WARS1: variants seen among roughly 807,000 people sequenced by gnomAD.
The protein encoded by WARS1 is tryptophan--tRNA ligase, cytoplasmic.
A neutral mutation model predicts 47.8 loss-of-function variants in WARS1; 17 were observed. The ratio of observed to expected loss-of-function variants is 0.36; its 90% CI spans 0.24 to 0.53. The LOEUF (loss-of-function observed/expected upper bound fraction) is 0.53. WARS1 is among the 20% of genes least tolerant of loss of function. The probability of loss-of-function intolerance (pLI) is 0.91; values close to 1 mark genes in which losing one functional copy is unlikely to be tolerated. For synonymous variants in WARS1, 208 were observed against 228.1 expected, an observed-to-expected ratio of 0.91 and a Z score of 0.79; for missense variants, 434 against 608.0, an observed-to-expected ratio of 0.71 and a Z score of 3.01.
chr14:100,342,326 G>A (rs1390867397), intron 9 of WARS1, 72 bp downstream of exon 9: 6 of 1,589,976 alleles, frequency 3.8e-6, no homozygotes, highest in East Asian at 2.2e-5. Context: ...GCGCAGTGGT[G>A]TGTGTGTGCG....
intron 4 of WARS1, among the ~76,000 whole-genome samples, chr14:100,359,491 T>C (rs946681008): frequency 6.6e-6 from 1 of 152,324 alleles, no homozygotes; most frequent in Admixed American, 6.5e-5. Context: ...GACTAATGGT[T>C]GCCAGTGGGG....
rs1341413864 is a variant in WARS1, at chr14:100,334,596, C to T, written c.*279G>A. On this transcript the variant is annotated 3_prime_UTR_variant, in exon 11 of 11. Coordinates refer to ENST00000392882, the MANE Select transcript of WARS1 (RefSeq NM_004184.4). The stretch of plus-strand genomic sequence containing the variant: ...CATGGACTTCCAGCCAAAGGCTCCA[C>T]TGTGGGGCTGCTTTGGGGAGAGACT... 1.3e-5 allele frequency: 4 copies of T among 311,808 alleles called. No homozygotes were observed. The highest frequency in any genetic ancestry group is 1.8e-5 in the Non-Finnish European group (3 of 166,900). The allele number at this position is 311,808 out of a possible 1,614,324, so 19.3% of individuals were successfully genotyped here. A position where few individuals can be genotyped will look rare whatever the true frequency, so the allele number is the denominator to read the frequency against.
chr14:100,374,420 C>T (rs1566873338), intron 1 of WARS1, among the ~76,000 whole-genome samples: 1 of 152,212 alleles, frequency 6.6e-6, no homozygotes, highest in African/African-American at 2.4e-5. Context: ...AAATTAACCC[C>T]CAGTTCCCCC....
chr14:100,353,919 G>T, intron 5 of WARS1, 50 bp from the exon 6 acceptor site: 2 of 1,540,812 alleles, frequency 1.3e-6, no homozygotes, highest in Non-Finnish European at 1.8e-6. Flanking sequence ...CCCTGTGGAG[G>T]AACGCCATCG....
Position 100,350,399 on chromosome 14 carries a change from GAAAA to G in WARS1, c.725+3284_725+3287del, listed in dbSNP as rs56393656. ...AGAGCAAGACTCCATCTCAAAAAAA[GAAAA>G]AAAAAAAAAAAAAGGAAGTTCTTAT... On this transcript the variant is annotated intron_variant, in intron 6 of 10. Coordinates refer to ENST00000392882, the MANE Select transcript of WARS1 (RefSeq NM_004184.4). Among the ~76,000 whole-genome samples, 34 of 112,154 alleles carry G rather than the reference GAAAA, an allele frequency of 3.0e-4. 1 individual carries two copies. The South Asian group carries it at 9.4e-3, about 31-fold the overall frequency. 73.6% of individuals were successfully genotyped at this position (112,154 alleles called of 152,430 possible). A position where few individuals can be genotyped will look rare whatever the true frequency, so the allele number is the denominator to read the frequency against.
chr14:100,376,192 G>A (rs561530686), upstream of WARS1: 43 of 263,056 alleles, frequency 1.6e-4, no homozygotes, highest in Admixed American at 3.4e-4. Flanking sequence ...TGGGCGCCGC[G>A]CCAGCGTCCC....
intron 4 of WARS1, among the ~76,000 whole-genome samples, chr14:100,356,912 T>A (rs773909503): frequency 6.6e-6 from 1 of 151,950 alleles, no homozygotes; most frequent in Non-Finnish European, 1.5e-5. Context: ...CAGCAACATA[T>A]AAAAAAGATT....
intron 9 of WARS1, among the ~76,000 whole-genome samples, chr14:100,337,655 A>G (rs1595401018): frequency 1.4e-5 from 2 of 146,360 alleles, no homozygotes; most frequent in East Asian, 4.1e-4. Flanking sequence ...GGTCAAGACC[A>G]GTCTGGGTAA....
chr14:100,346,697 C>G (rs1894641728), intron 7 of WARS1, 49 bp downstream of exon 7: 1 of 1,462,170 alleles, frequency 6.8e-7, no homozygotes, highest in Non-Finnish European at 9.6e-7. Flanking sequence ...AACTCTGCTC[C>G]TTTTTGAAGG....
At chr14:100,376,275 C>A, upstream of WARS1, 1 of 765,794 alleles carries the variant, frequency 1.3e-6, no homozygotes, top group Non-Finnish European at 1.8e-6. Flanking sequence ...CCAGCCGGGC[C>A]AGTCAGCGCT....
At chr14:100,343,434 C>G (rs1300259155) in intron 7 of WARS1, 47 bp from the exon 8 acceptor site, 1 of 1,410,518 alleles carries the variant, frequency 7.1e-7, no homozygotes, top group Admixed American at 2.0e-5. Context: ...AGTTCCTGTT[C>G]TGCTTAGTTA....
chr14:100,364,933 C>CT (rs1258614689), intron 2 of WARS1, among the ~76,000 whole-genome samples: 1 of 151,798 alleles, frequency 6.6e-6, no homozygotes, highest in African/African-American at 2.4e-5. Flanking sequence ...AAAAAAGTAA[C>CT]TTTTTTTTGA....
At chr14:100,367,552 C>T (rs1397819669) in intron 2 of WARS1, among the ~76,000 whole-genome samples, 2 of 132,342 alleles carry the variant, frequency 1.5e-5, no homozygotes, top group African/African-American at 5.8e-5. Flanking sequence ...TGTGCCACCA[C>T]ACTCCAGCCT....
chr14:100,366,164 T>G (rs1895979025), intron 2 of WARS1: 2 of 452,804 alleles, frequency 4.4e-6, no homozygotes, highest in South Asian at 3.1e-5. Flanking sequence ...ACACAGAGAA[T>G]AGGGAGCTTC....
In WARS1 at chr14:100,339,495, G is replaced by C. The variant is rs567412002; in HGVS notation, c.1114-2293C>G. 6.1e-5 allele frequency among the ~76,000 whole-genome samples: 9 copies of C among 148,202 alleles called. No individual in the cohort carries two copies. In the South Asian group the frequency reaches 1.9e-3, roughly 32 times the overall value. ...GGCCCAGCTACTCGGGAGCCTTGAG[G>C]CAGGAGAATGGCGTGAACCTGGGAG... is the stretch of plus-strand genomic sequence containing the variant. On this transcript the variant is annotated intron_variant, in intron 9 of 10. Transcript: ENST00000392882.
In WARS1 at chr14:100,336,962, C is replaced by T. The variant is rs918711149; in HGVS notation, c.1254+100G>A. ...TTCACCTTGTTTCAGTTGAGCACCT[C>T]CGACCAAGCCTTCATGCCTGGCTGT... On this transcript the variant is annotated intron_variant, in intron 10 of 10. Coordinates refer to ENST00000392882, the MANE Select transcript of WARS1 (RefSeq NM_004184.4). The T allele has an allele frequency of 7.3e-6, 11 of 1,509,394 alleles. No individual in the cohort carries two copies. The African/African-American group carries it at 1.2e-4, about 17-fold the overall frequency. 93.5% of individuals were successfully genotyped at this position (1,509,394 alleles called of 1,614,324 possible).
chr14:100,374,020 T>C (rs1896493916), intron 1 of WARS1: 1 of 152,242 alleles, frequency 6.6e-6, no homozygotes, highest in Non-Finnish European at 1.5e-5. Context: ...ACTTTCAGAA[T>C]TGAGTTGAAC....
rs970420759 is a variant in WARS1, at chr14:100,373,288, T to C, written c.-74+1995A>G. Reference sequence around the variant, plus strand: ...CCCCAGCTGGACTTTAGATGGCCTCTTGTTTAACGTCCTGGTACTGAGTTG... The same window carrying C: ...CCCCAGCTGGACTTTAGATGGCCTCCTGTTTAACGTCCTGGTACTGAGTTG... On this transcript the variant is annotated intron_variant, in intron 1 of 10. Transcript: ENST00000392882. This position sits in a 1 kb window ranked among gnomAD's most constrained non-coding sequence, Gnocchi z 4.4. Among the ~76,000 whole-genome samples, 1 of 152,232 alleles carries C rather than the reference T, an allele frequency of 6.6e-6. No individual in the cohort carries two copies.
chr14:100,364,735 T>C (rs1895851740), intron 2 of WARS1, among the ~76,000 whole-genome samples: 1 of 152,186 alleles, frequency 6.6e-6, no homozygotes, highest in Admixed American at 6.5e-5. Flanking sequence ...CACTAAGAAT[T>C]ACTAACTAAA....
Sources: allele counts gnomAD v4.1 joint callset (sites outside exome capture counted in the v4.1 genomes callset), GRCh38; gene constraint gnomAD v4.1.1; non-coding constraint Gnocchi (gnomAD v3.1); transcripts MANE v1.5; gene names NCBI Gene and HGNC (gene_info 2026-07-23, HGNC 2026-07-21).